EPAS1: variants seen among roughly 807,000 people sequenced by gnomAD.
EPAS1 encodes the protein endothelial PAS domain protein 1.
EPAS1 carries 23 observed loss-of-function variants against 87.9 expected under a neutral mutation model. The observed-to-expected ratio is 0.26, with a 90% CI of 0.19 to 0.37. The LOEUF (loss-of-function observed/expected upper bound fraction) is 0.37, where lower values mean the gene tolerates loss of function less well. Ranked by LOEUF, EPAS1 falls within the 10% of genes least tolerant of loss-of-function variation. The pLI is 1.00. For missense variants in EPAS1, 1,138 were observed against 1,120.7 expected (o/e 1.02, Z -0.22); for synonymous variants, 508 against 444.3 (o/e 1.14, Z -1.80).
At chr2:46,299,510 C>A (rs1380947771) in intron 1 of EPAS1, among the ~76,000 whole-genome samples, 2 of 152,260 alleles carry the variant, frequency 1.3e-5, no homozygotes, top group Admixed American at 1.3e-4. Context: ...TTTGTAAAAA[C>A]CAATCATAAT....
Position 46,346,819 on chromosome 2 carries a change from G to A in EPAS1, c.27-54G>A, listed in dbSNP as rs1684037287. 2 of 1,599,434 alleles carry A rather than the reference G, an allele frequency of 1.3e-6. No homozygotes were observed. Among genetic ancestry groups the A allele is most frequent in the African/African-American group, 2.7e-5 (2 of 74,722 alleles). On this transcript the variant is annotated intron_variant, in intron 1 of 15. Coordinates refer to ENST00000263734, the MANE Select transcript of EPAS1 (RefSeq NM_001430.5). This position sits in a 1 kb window ranked among gnomAD's most constrained non-coding sequence, Gnocchi z 4.0. Reference sequence around the variant, plus strand: ...GGCCATGGGGATGTCCTGGCCAGAGGTATGATAGGCTGACAGTAACCTTTC... The same window carrying A: ...GGCCATGGGGATGTCCTGGCCAGAGATATGATAGGCTGACAGTAACCTTTC...
At chr2:46,353,686 A>T (rs913500630) in intron 2 of EPAS1, among the ~76,000 whole-genome samples, 1 of 152,218 alleles carries the variant, frequency 6.6e-6, no homozygotes, top group African/African-American at 2.4e-5. Context: ...GGGACATTGC[A>T]TCATCGCTTC....
Position 46,300,274 on chromosome 2 carries a change from G to GGGCT in EPAS1, c.26+2338_26+2341dup, listed in dbSNP as rs1682971052. Reference sequence around the variant, plus strand: ...TCACAAGGGCGATGTGACAGTGAGGGGGCTCTCTGCTGATGATTCTGCCCA... The same window carrying GGGCT: ...TCACAAGGGCGATGTGACAGTGAGGGGGCTGGCTCTCTGCTGATGATTCTGCCCA... On this transcript the variant is annotated intron_variant, in intron 1 of 15. Coordinates refer to ENST00000263734, the MANE Select transcript of EPAS1 (RefSeq NM_001430.5). The surrounding 1 kb of genome is among the most constrained non-coding windows in gnomAD (Gnocchi z 4.1). 2.6e-5 allele frequency among the ~76,000 whole-genome samples: 4 copies of GGGCT among 152,260 alleles called. No homozygotes were observed. The Middle Eastern group carries it at 0.01, about 388-fold the overall frequency.
chr2:46,351,908 C>T (rs1243617721), intron 2 of EPAS1, among the ~76,000 whole-genome samples: 2 of 152,178 alleles, frequency 1.3e-5, no homozygotes, highest in Non-Finnish European at 2.9e-5. Context: ...CCCAGGAAGT[C>T]CCACCCCACA....
chr2:46,356,666 T>C (rs1684278230), intron 3 of EPAS1, 58 bp from the exon 4 acceptor site: 3 of 1,371,272 alleles, frequency 2.2e-6, no homozygotes, highest in East Asian at 2.3e-5. Flanking sequence ...CAGCTTACTC[T>C]TGGAGTCTTT....
rs1684268650 is a variant in EPAS1 at position 46,356,183 on chromosome 2, G to T, written c.250G>T (p.Asp84Tyr). The change falls in exon 3 of 16, where the codon GAC becomes TAC. Residue 84 changes from aspartate to tyrosine, a missense_variant. Transcript: ENST00000263734. ...CSENESEAEA[D>Y]QQMDNLYLKA... Reference sequence around the variant, plus strand: ...TGAAAACGAGTCCGAAGCCGAAGCTGACCAGCAGATGGACAACTTGTACCT... The same window carrying T: ...TGAAAACGAGTCCGAAGCCGAAGCTTACCAGCAGATGGACAACTTGTACCT... 2 of 1,592,436 alleles carry T rather than the reference G, an allele frequency of 1.3e-6. No homozygotes were observed. Among genetic ancestry groups the T allele is most frequent in the African/African-American group, 2.8e-5 (2 of 72,392 alleles).
At chr2:46,345,121 T>C (rs1424063633) in intron 1 of EPAS1, among the ~76,000 whole-genome samples, 1 of 152,180 alleles carries the variant, frequency 6.6e-6, no homozygotes, top group Non-Finnish European at 1.5e-5. Context: ...ACCTATGAAC[T>C]TCGCTGGATG....
intron 1 of EPAS1, among the ~76,000 whole-genome samples, chr2:46,302,163 G>C (rs1867783): frequency 0.39 from 56,544 of 143,772 alleles, 14,162 homozygotes; most frequent in Middle Eastern, 0.59. Flanking sequence ...CGTGCGTCGG[G>C]GGGGGGGGCA....
Position 46,375,800 on chromosome 2 carries a change from C to A in EPAS1, c.997C>A (p.Gln333Lys), listed in dbSNP as rs1350939612. 3.1e-6 allele frequency: 5 copies of A among 1,614,238 alleles called. No individual in the cohort carries two copies. Among genetic ancestry groups the A allele is most frequent in the Admixed American group, 1.7e-5 (1 of 60,036 alleles). ...GTVIYNPRNL[Q>K]PQCIMCVNYV... ...GGTCATCTACAACCCTCGCAACCTG[C>A]AGCCCCAGTGCATCATGTGTGTCAA... Residue 333 changes from glutamine to lysine, a missense_variant, in exon 8 of 16, where the codon CAG becomes AAG. Physicochemically the swap from Gln to Lys is moderately conservative, Grantham distance 53. This residue lies in a region of EPAS1 where 284 missense variants were observed against 258.4 expected (regional missense o/e 1.10). Transcript: ENST00000263734. This position sits in a 1 kb window ranked among gnomAD's most constrained non-coding sequence, Gnocchi z 4.1.
chr2:46,305,029 A>G (rs923074692), intron 1 of EPAS1, among the ~76,000 whole-genome samples: 6 of 152,320 alleles, frequency 3.9e-5, no homozygotes, highest in Admixed American at 6.5e-5. Flanking sequence ...ACAGAATTGC[A>G]TTGACACATA....
chr2:46,321,277 T>C (rs1432061291), intron 1 of EPAS1, among the ~76,000 whole-genome samples: 1 of 152,260 alleles, frequency 6.6e-6, no homozygotes, highest in Non-Finnish European at 1.5e-5. Context: ...GTTTATCTGG[T>C]CTTCTGTCAA....
Position 46,360,289 on chromosome 2 carries a change from C to T in EPAS1, c.455-349C>T, listed in dbSNP as rs962333106. Among the ~76,000 whole-genome samples the T allele has an allele frequency of 6.6e-6, 1 of 152,212 alleles. No individual in the cohort carries two copies. The highest frequency in any genetic ancestry group is 1.5e-5 in the Non-Finnish European group (1 of 68,032). ...TGGAATTTCTGCGAGAAGACCTGGG[C>T]CTGCCCCAGGAAAGGGTGGCTGAGT... On this transcript the variant is annotated intron_variant, in intron 4 of 15. Transcript: ENST00000263734. The surrounding 1 kb of genome is among the most constrained non-coding windows in gnomAD (Gnocchi z 4.5).
At chr2:46,337,363 G>A (rs1043736105) in intron 1 of EPAS1, among the ~76,000 whole-genome samples, 5 of 152,308 alleles carry the variant, frequency 3.3e-5, no homozygotes, top group African/African-American at 9.6e-5. Context: ...CTTGAAATAT[G>A]AGCCTAATTC....
chr2:46,340,247 A>G (rs1286170255), intron 1 of EPAS1, among the ~76,000 whole-genome samples: 2 of 152,050 alleles, frequency 1.3e-5, no homozygotes, highest in East Asian at 3.9e-4. Flanking sequence ...AAGTATCTCC[A>G]GTCAACCCAA....
intron 1 of EPAS1, among the ~76,000 whole-genome samples, chr2:46,326,742 G>A (rs921393075): frequency 1.3e-5 from 2 of 152,200 alleles, no homozygotes; most frequent in Non-Finnish European, 2.9e-5. Flanking sequence ...ATATAGTCTA[G>A]TGGGGGCCAG....
chr2:46,335,542 C>A (rs1683773301), intron 1 of EPAS1: 1 of 152,084 alleles, frequency 6.6e-6, no homozygotes, highest in Non-Finnish European at 1.5e-5. Context: ...TTTGGCATTG[C>A]AGATATTTTT....
At chr2:46,369,799 C>T (rs753828239) in intron 6 of EPAS1, 28 bp from the exon 7 acceptor site, 9 of 1,567,532 alleles carry the variant, frequency 5.7e-6, no homozygotes, top group African/African-American at 1.4e-5. Flanking sequence ...GTCTTTCTTC[C>T]TTACATGCTG....
Position 46,362,580 on chromosome 2 carries a change from C to T in EPAS1, c.779+1490C>T, listed in dbSNP as rs144257036. Among the ~76,000 whole-genome samples the T allele has an allele frequency of 1.8e-3, 273 of 152,304 alleles. 1 individual carries two copies. Among genetic ancestry groups the T allele is most frequent in the Middle Eastern group, 3.4e-3 (1 of 294 alleles). ...CCCAGGAAAAAAAGCTCCTGCTCAG[C>T]CTCCCCTAGGCCTACCCACTTTTCT... On this transcript the variant is annotated intron_variant, in intron 6 of 15. Transcript: ENST00000263734.
rs1684925628 is a variant in EPAS1, at chr2:46,382,615, T to G, written c.2461+17T>G. 6.2e-7 allele frequency: 1 copy of G among 1,613,814 alleles called. No homozygotes were observed. ...AGGTGTCAGGTGGGTGTGCCCAGGA[T>G]CTGTCACCCCCATCCCAGGATTCGA... On this transcript the variant is annotated intron_variant, in intron 15 of 15. Transcript: ENST00000263734.
Sources: gnomAD v4.1 joint callset for allele counts (sites outside exome capture counted in the v4.1 genomes callset) on GRCh38, gnomAD v4.1.1 for gene constraint, gnomAD v4.1.1 regional missense constraint, Gnocchi (gnomAD v3.1) non-coding constraint, MANE v1.5 for transcripts, NCBI Gene and HGNC (gene_info 2026-07-23, HGNC 2026-07-21) for gene names.